Variants in DBX2 observed in about 807,000 individuals in gnomAD.
DBX2 encodes developing brain homeobox 2.
A neutral mutation model predicts 17.7 loss-of-function variants in DBX2; 16 were observed. That is an observed-to-expected ratio of 0.90 (90% CI 0.61 to 1.37). DBX2 has a LOEUF of 1.37. Among genes scored for constraint, DBX2 ranks in the 40% most tolerant of loss-of-function variants. DBX2 has a pLI of 0.00. For missense variants in DBX2, 538 were observed against 433.8 expected, an observed-to-expected ratio of 1.24 and a Z score of -2.13; for synonymous variants, 255 against 183.8, an observed-to-expected ratio of 1.39 and a Z score of -3.13.
intron 2 of DBX2, among the ~76,000 whole-genome samples, chr12:45,029,691 C>T (rs964621469): frequency 2.6e-5 from 4 of 151,678 alleles, no homozygotes; most frequent in South Asian, 4.2e-4. Flanking sequence ...ACGGTGAAAC[C>T]GTCTCTACTA....
intron 3 of DBX2, among the ~76,000 whole-genome samples, chr12:45,016,900 C>T (rs955433908): frequency 1.3e-5 from 2 of 152,148 alleles, no homozygotes; most frequent in African/African-American, 4.8e-5. Flanking sequence ...CCTCCCATCT[C>T]AGCTTCCTGA....
At chr12:45,023,240 T>C (rs951098449) in intron 3 of DBX2, among the ~76,000 whole-genome samples, 5 of 152,164 alleles carry the variant, frequency 3.3e-5, no homozygotes, top group African/African-American at 1.2e-4. Flanking sequence ...ATGAAACCCA[T>C]TAGGAAGTAT....
At chr12:45,044,111 ATACTT>A (rs1946486512) in intron 1 of DBX2, among the ~76,000 whole-genome samples, 1 of 152,200 alleles carries the variant, frequency 6.6e-6, no homozygotes, top group African/African-American at 2.4e-5. Flanking sequence ...AAGATAGTAA[ATACTT>A]TATGCTTTGT....
At chr12:45,050,500 G>C (rs1012458212) in intron 1 of DBX2, 25 bp downstream of exon 1, 6 of 1,546,034 alleles carry the variant, frequency 3.9e-6, no homozygotes, top group Admixed American at 2.0e-5. Context: ...GGCGCGGCTG[G>C]GGAGGGAGGG....
chr12:45,035,875 C>G (rs893984381), intron 2 of DBX2, 144 bp downstream of exon 2: 2 of 770,628 alleles, frequency 2.6e-6, no homozygotes, highest in African/African-American at 3.5e-5. Flanking sequence ...CTCTGGAAAC[C>G]TCTTGAATAA....
intron 1 of DBX2, among the ~76,000 whole-genome samples, chr12:45,049,638 G>GT (rs1409994777): frequency 6.8e-6 from 1 of 146,674 alleles, no homozygotes; most frequent in Non-Finnish European, 1.5e-5. Flanking sequence ...AAAAGAATGA[G>GT]TTAAGATCGT....
chr12:45,050,825 C>A lies in DBX2; in HGVS notation c.103G>T (p.Gly35Cys). The A allele has an allele frequency of 1.3e-6, 2 of 1,539,910 alleles. No individual in the cohort carries two copies. Among genetic ancestry groups the A allele is most frequent in the South Asian group, 1.2e-5 (1 of 82,018 alleles). The part of the protein sequence containing the change: ...LPAAPGFGNL[G>C]KSFLIENLLR... The stretch of plus-strand genomic sequence containing the variant: ...AAATTCTCGATCAGGAAACTCTTGC[C>A]CAGGTTGCCAAAGCCGGGCGCAGCG... The change falls in exon 1 of 4, where the codon GGC (glycine) becomes TGC (cysteine). Residue 35 changes from glycine to cysteine, a missense_variant. Gly to Cys is a radical substitution (Grantham distance 159). Transcript: ENST00000332700.
intron 2 of DBX2, among the ~76,000 whole-genome samples, chr12:45,027,296 C>T (rs1946386276): frequency 6.6e-6 from 1 of 152,140 alleles, no homozygotes; most frequent in African/African-American, 2.4e-5. Context: ...CCACAGATAT[C>T]CCTCACTATA....
intron 1 of DBX2, 120 bp downstream of exon 1, chr12:45,050,405 A>T: frequency 7.3e-7 from 1 of 1,361,198 alleles, no homozygotes; most frequent in Non-Finnish European, 9.8e-7. Context: ...GAGATGCTCC[A>T]GGAAGTTCCC....
intron 2 of DBX2, 95 bp from the exon 3 acceptor site, chr12:45,023,989 T>A (rs759316515): frequency 1.4e-4 from 175 of 1,223,680 alleles, no homozygotes; most frequent in Non-Finnish European, 1.9e-4. Context: ...CTTTGTACTA[T>A]GGCCAAATGA....
At chr12:45,048,175 C>T (rs1946509929) in intron 1 of DBX2, among the ~76,000 whole-genome samples, 1 of 152,058 alleles carries the variant, frequency 6.6e-6, no homozygotes, top group Non-Finnish European at 1.5e-5. Flanking sequence ...AGCATAAATC[C>T]CGCAGTTAAA....
intron 1 of DBX2, among the ~76,000 whole-genome samples, chr12:45,042,941 G>C (rs575134702): frequency 6.6e-6 from 1 of 152,258 alleles, no homozygotes; most frequent in East Asian, 1.9e-4. Flanking sequence ...TTACCCTTCA[G>C]GGAGTCTCAA....
intron 1 of DBX2, among the ~76,000 whole-genome samples, chr12:45,042,522 A>G (rs73277027): frequency 0.15 from 23,309 of 152,138 alleles, 3,632 homozygotes; most frequent in East Asian, 0.51. Flanking sequence ...ACTGGGACAA[A>G]GCCCCACGGG....
chr12:45,039,293 A>G (rs1565585213), intron 1 of DBX2, among the ~76,000 whole-genome samples: 1 of 86,192 alleles, frequency 1.2e-5, no homozygotes, highest in Admixed American at 1.6e-4. Flanking sequence ...ATATATATAT[A>G]TATATATATA....
rs1472914799 is a variant in DBX2 at position 45,050,961 on chromosome 12, C to T, written c.-34G>A. 3.6e-6 allele frequency: 5 copies of T among 1,385,472 alleles called. No homozygotes were observed. Among genetic ancestry groups the T allele is most frequent in the South Asian group, 3.5e-5 (2 of 57,328 alleles). The allele number at this position is 1,385,472 out of a possible 1,614,324, so 85.8% of individuals were successfully genotyped here. ...GCCAACCGGTCTGCTGCGCGCCCGCCTTGCGCCCGCCTGTCGCCCGGGCGC... is the reference window on the plus strand; with the variant it reads ...GCCAACCGGTCTGCTGCGCGCCCGCTTTGCGCCCGCCTGTCGCCCGGGCGC... On this transcript the variant is annotated 5_prime_UTR_variant, in exon 1 of 4. Transcript: ENST00000332700.
At chr12:45,034,202 G>A (rs11182801) in intron 2 of DBX2, among the ~76,000 whole-genome samples, 28,671 of 151,616 alleles carry the variant, frequency 0.19, 5,320 homozygotes, top group East Asian at 0.56. Flanking sequence ...CACTTACCTG[G>A]ACTGCCAGAG....
chr12:45,047,088 G>C (rs1213950652), intron 1 of DBX2, among the ~76,000 whole-genome samples: 1 of 152,158 alleles, frequency 6.6e-6, no homozygotes, highest in Non-Finnish European at 1.5e-5. Flanking sequence ...ATTTTGAAGA[G>C]AATTGATGGC....
chr12:45,040,260 T>C (rs994264823), intron 1 of DBX2, among the ~76,000 whole-genome samples: 6 of 152,176 alleles, frequency 3.9e-5, no homozygotes, highest in African/African-American at 1.4e-4. Flanking sequence ...CCTCAAACAC[T>C]GGACTCCAAG....
chr12:45,036,705 G>A (rs1047254639), intron 1 of DBX2, among the ~76,000 whole-genome samples: 3 of 152,090 alleles, frequency 2.0e-5, no homozygotes, highest in Non-Finnish European at 1.5e-5. Context: ...ATTTTCAGAT[G>A]GTTCTTTGAA....
Sources: gnomAD v4.1 joint callset for allele counts (sites outside exome capture counted in the v4.1 genomes callset) on GRCh38, gnomAD v4.1.1 for gene constraint, MANE v1.5 for transcripts, NCBI Gene and HGNC (gene_info 2026-07-23, HGNC 2026-07-21) for gene names.